STX7: variants seen among roughly 807,000 people sequenced by gnomAD.
STX7 encodes the protein syntaxin-7.
In STX7, 34 loss-of-function variants were observed where a neutral mutation model predicts 39.6. The ratio of observed to expected loss-of-function variants is 0.86; its 90% CI spans 0.65 to 1.14. The LOEUF (loss-of-function observed/expected upper bound fraction) is 1.14, where lower values mean the gene tolerates loss of function less well. Ranked by LOEUF, STX7 falls within the 50% of genes most tolerant of loss-of-function variation. The pLI is 0.00. For missense variants in STX7, 284 were observed against 310.4 expected (o/e 0.92, Z 0.64); for synonymous variants, 119 against 99.1 (o/e 1.20, Z -1.19).
At chr6:132,498,150 T>C (rs1254947671) in intron 2 of STX7, among the ~76,000 whole-genome samples, 1 of 152,192 alleles carries the variant, frequency 6.6e-6, no homozygotes, top group Non-Finnish European at 1.5e-5. Flanking sequence ...GATACAAATA[T>C]TTTCTTAATC....
rs991792593 is a variant in STX7 at position 132,458,662 on chromosome 6, A to G, written c.*2096T>C. 1 of 152,170 alleles carries G rather than the reference A, an allele frequency of 6.6e-6. No homozygotes were observed. Among genetic ancestry groups the G allele is most frequent in the African/African-American group, 2.4e-5 (1 of 41,432 alleles). The allele number at this position is 152,170 out of a possible 1,614,324, so 9.4% of individuals were successfully genotyped here. On this transcript the variant is annotated 3_prime_UTR_variant, in exon 10 of 10. Coordinates refer to ENST00000367941, the MANE Select transcript of STX7 (RefSeq NM_003569.3). ...AAACTGACCTACAGAAAAGTTCAAG[A>G]TTTTTTAAAAAATTTGGCTACCATA...
At chr6:132,491,485 C>A (rs1411132391) in intron 2 of STX7, among the ~76,000 whole-genome samples, 1 of 152,166 alleles carries the variant, frequency 6.6e-6, no homozygotes, top group Non-Finnish European at 1.5e-5. Flanking sequence ...CCACCCACTG[C>A]AGGTTTAGTC....
At chr6:132,500,508 G>A (rs187726303) in intron 2 of STX7, among the ~76,000 whole-genome samples, 45 of 152,194 alleles carry the variant, frequency 3.0e-4, no homozygotes, top group South Asian at 6.2e-4. Context: ...CTCATTCAAA[G>A]ACCATCTAAA....
At chr6:132,468,694 G>C (rs1002607714) in intron 7 of STX7, among the ~76,000 whole-genome samples, 5 of 148,678 alleles carry the variant, frequency 3.4e-5, no homozygotes, top group Middle Eastern at 3.4e-3. Flanking sequence ...TCAGTTTGTG[G>C]CATTAAAAAT....
intron 2 of STX7, among the ~76,000 whole-genome samples, chr6:132,487,540 C>T (rs1042734035): frequency 2.0e-5 from 3 of 152,016 alleles, no homozygotes; most frequent in Admixed American, 1.3e-4. Context: ...GGACTTAAAA[C>T]CTAGATGATG....
At chr6:132,479,737 A>T (rs532536277) in intron 2 of STX7, among the ~76,000 whole-genome samples, 1 of 152,306 alleles carries the variant, frequency 6.6e-6, no homozygotes, top group South Asian at 2.1e-4. Context: ...TTGCAGCAAT[A>T]GCAATCTCAT....
chr6:132,471,752 T>TG, intron 4 of STX7, 152 bp from the exon 5 acceptor site: 1 of 829,654 alleles, frequency 1.2e-6, no homozygotes, highest in South Asian at 2.2e-5. Context: ...TCTGATAGTA[T>TG]GTCAAATACT....
intron 1 of STX7, among the ~76,000 whole-genome samples, chr6:132,507,513 ATCTT>A (rs1285462950): frequency 6.6e-6 from 1 of 152,214 alleles, no homozygotes; most frequent in Non-Finnish European, 1.5e-5. Context: ...TCTACTTTGT[ATCTT>A]TATAGCTTTG....
intron 1 of STX7, among the ~76,000 whole-genome samples, chr6:132,509,755 T>C (rs773240223): frequency 1.3e-5 from 2 of 152,092 alleles, no homozygotes; most frequent in Non-Finnish European, 2.9e-5. Flanking sequence ...AGGAACCAAA[T>C]GGTTGTCTTT....
intron 5 of STX7, among the ~76,000 whole-genome samples, chr6:132,470,924 C>G (rs979248748): frequency 1.3e-5 from 2 of 152,118 alleles, no homozygotes; most frequent in African/African-American, 4.8e-5. Flanking sequence ...TTAATGTAGT[C>G]TTGGAATCCA....
intron 4 of STX7, among the ~76,000 whole-genome samples, chr6:132,471,874 T>C (rs575146321): frequency 1.3e-5 from 2 of 152,328 alleles, no homozygotes; most frequent in East Asian, 3.9e-4. Flanking sequence ...GTAATTCTTT[T>C]TCAGGCAAAT....
chr6:132,469,404 A>G (rs1774651558), intron 7 of STX7, among the ~76,000 whole-genome samples: 1 of 151,946 alleles, frequency 6.6e-6, no homozygotes, highest in Non-Finnish European at 1.5e-5. Flanking sequence ...TTGATATAAC[A>G]ATAATAATTT....
At chr6:132,461,871 A>G (rs1352740282) in intron 9 of STX7, 3 of 1,539,194 alleles carry the variant, frequency 1.9e-6, no homozygotes, top group East Asian at 2.5e-5. Flanking sequence ...CTTACAAAGT[A>G]GAAAAATTTG....
Position 132,469,998 on chromosome 6 carries a change from C to T in STX7, c.490G>A (p.Asp164Asn). The T allele has an allele frequency of 4.4e-6, 7 of 1,599,404 alleles. No homozygotes were observed. Among genetic ancestry groups the T allele is most frequent in the Non-Finnish European group, 6.0e-6 (7 of 1,175,288 alleles). The change falls in exon 7 of 10, where the codon GAC (aspartate) becomes AAC (asparagine). Residue 164 changes from aspartate to asparagine, a missense_variant. Coordinates refer to ENST00000367941, the MANE Select transcript of STX7 (RefSeq NM_003569.3). ...QVQDEEITEDDLRLIHERESS... is the reference protein window; with the variant it reads ...QVQDEEITEDNLRLIHERESS... ...TCTCTCTCATGAATAAGACGGAGGTCATCCTCTGTAATTTCTTCATCCTGC... is the reference window on the plus strand; with the variant it reads ...TCTCTCTCATGAATAAGACGGAGGTTATCCTCTGTAATTTCTTCATCCTGC...
chr6:132,464,745 A>G (rs1476309804), intron 8 of STX7, among the ~76,000 whole-genome samples: 1 of 152,180 alleles, frequency 6.6e-6, no homozygotes, highest in African/African-American at 2.4e-5. Context: ...GACAATGTTT[A>G]TTTAAGGTAA....
At chr6:132,472,203 G>A (rs964736791) in intron 4 of STX7, 79 bp downstream of exon 4, 33 of 1,029,736 alleles carry the variant, frequency 3.2e-5, no homozygotes, top group South Asian at 5.1e-5. Flanking sequence ...CCTTTCTAGC[G>A]TAACAGTTCA....
rs1397215095 is a variant in STX7 at position 132,449,069 on chromosome 6, C to A, written c.*11689G>T. ...GTGGCACCATCATAGCTCACTGCAG[C>A]CTTGAACTCCTGGGCTCGTGTGATC... On this transcript the variant is annotated 3_prime_UTR_variant, in exon 10 of 10. Transcript: ENST00000367941. The A allele has an allele frequency of 6.6e-6, 1 of 151,746 alleles. No individual in the cohort carries two copies. Among genetic ancestry groups the A allele is most frequent in the Non-Finnish European group, 1.5e-5 (1 of 68,112 alleles). The allele number at this position is 151,746 out of a possible 1,614,324, so 9.4% of individuals were successfully genotyped here. A position where few individuals can be genotyped will look rare whatever the true frequency, so the allele number is the denominator to read the frequency against.
rs376792805 is a variant in STX7, at chr6:132,464,078, G to A, written c.611-3C>T. 397 of 1,613,386 alleles carry A rather than the reference G, an allele frequency of 2.5e-4. No individual in the cohort carries two copies. Among genetic ancestry groups the A allele is most frequent in the Non-Finnish European group, 3.3e-4 (388 of 1,179,686 alleles). On this transcript the variant is annotated splice_region_variant and splice_polypyrimidine_tract_variant and intron_variant, in intron 8 of 9. Coordinates refer to ENST00000367941, the MANE Select transcript of STX7 (RefSeq NM_003569.3). ...TTCCACATTGGCTTCTATGCTATCT[G>A]TAAAATAAAACACACACACACAAAT...
At chr6:132,486,478 T>C (rs994943081) in intron 2 of STX7, among the ~76,000 whole-genome samples, 7 of 152,192 alleles carry the variant, frequency 4.6e-5, no homozygotes, top group Non-Finnish European at 8.8e-5. Flanking sequence ...AGGTTTTCTT[T>C]TTAAGTTTGT....
Sources: gnomAD v4.1 joint callset for allele counts (sites outside exome capture counted in the v4.1 genomes callset) on GRCh38, gnomAD v4.1.1 for gene constraint, MANE v1.5 for transcripts, NCBI Gene and HGNC (gene_info 2026-07-23, HGNC 2026-07-21) for gene names.